Variants in CAV1 observed in about 807,000 individuals in gnomAD.
CAV1 encodes caveolin 1.
CAV1 carries 10 observed loss-of-function variants against 16.5 expected under a neutral mutation model. The ratio of observed to expected loss-of-function variants is 0.61; its 90% CI spans 0.37 to 1.03. The LOEUF (loss-of-function observed/expected upper bound fraction) is 1.03, where lower values mean the gene tolerates loss of function less well. Among genes scored for constraint, CAV1 ranks in the 50% least tolerant of loss-of-function variants. CAV1 has a pLI of 0.01. For synonymous variants in CAV1, 76 were observed against 85.1 expected, an observed-to-expected ratio of 0.89 and a Z score of 0.59; for missense variants, 212 against 232.8, an observed-to-expected ratio of 0.91 and a Z score of 0.58.
At chr7:116,533,275 T>C (rs970675505) in intron 2 of CAV1, among the ~76,000 whole-genome samples, 4 of 151,650 alleles carry the variant, frequency 2.6e-5, no homozygotes, top group Non-Finnish European at 5.9e-5. Flanking sequence ...GAGGCCAAGA[T>C]TGCAGTGAGC....
At chr7:116,547,682 C>T (rs1166790712) in intron 2 of CAV1, among the ~76,000 whole-genome samples, 1 of 152,176 alleles carries the variant, frequency 6.6e-6, no homozygotes, top group African/African-American at 2.4e-5. Context: ...AAAAGGTTCT[C>T]CTTTTCCAAA....
intron 2 of CAV1, among the ~76,000 whole-genome samples, chr7:116,533,387 T>A (rs1322754247): frequency 9.6e-6 from 1 of 103,658 alleles, no homozygotes; most frequent in African/African-American, 3.9e-5. Flanking sequence ...TAAAATAAAA[T>A]AAAATAAAAT....
rs191964382 is a variant in CAV1, at chr7:116,545,078, A to G, written c.196-13868A>G. Among the ~76,000 whole-genome samples, 251 of 152,320 alleles carry G rather than the reference A, an allele frequency of 1.6e-3. 2 individuals are homozygous for G. The highest frequency in any genetic ancestry group is 6.9e-4 in the Non-Finnish European group (47 of 68,026). On this transcript the variant is annotated intron_variant, in intron 2 of 2. Coordinates refer to ENST00000341049, the MANE Select transcript of CAV1 (RefSeq NM_001753.5). Reference sequence around the variant, plus strand: ...CATTCTAGGCTAGAAATATTTCTCAACTTCAAATTGTGTCTTATTACATTG... The same window carrying G: ...CATTCTAGGCTAGAAATATTTCTCAGCTTCAAATTGTGTCTTATTACATTG...
intron 2 of CAV1, among the ~76,000 whole-genome samples, chr7:116,546,703 A>AAAAAAAATAATAAATT (rs1554356443): frequency 8.5e-6 from 1 of 118,040 alleles, no homozygotes; most frequent in Non-Finnish European, 1.9e-5. Context: ...GTCACAAAAA[A>AAAAAAAATAATAAATT]AAAAAAAAAA....
chr7:116,557,360 A>C (rs1038033300), intron 2 of CAV1, among the ~76,000 whole-genome samples: 1 of 152,174 alleles, frequency 6.6e-6, no homozygotes, highest in Admixed American at 6.5e-5. Flanking sequence ...CCGTGGAGTC[A>C]TGGCAGTCCT....
At chr7:116,539,485 T>C (rs1283000652) in intron 2 of CAV1, among the ~76,000 whole-genome samples, 2 of 152,216 alleles carry the variant, frequency 1.3e-5, no homozygotes, top group African/African-American at 4.8e-5. Flanking sequence ...GATTACATTA[T>C]TGAGTGTCTT....
chr7:116,534,377 A>T (rs1562829865), intron 2 of CAV1, among the ~76,000 whole-genome samples: 5 of 14,768 alleles, frequency 3.4e-4, no homozygotes, highest in Non-Finnish European at 7.6e-4. Context: ...ATATATATAT[A>T]TATATATATA....
rs138143776 is a variant in CAV1, at chr7:116,559,237, G to C, written c.487G>C (p.Val163Leu). Residue 163 changes from valine (V) to leucine (L), a missense_variant, in exon 3 of 3, where the codon GTT (valine) becomes CTT (leucine). Coordinates refer to ENST00000341049, the MANE Select transcript of CAV1 (RefSeq NM_001753.5). ...CGTCTGTGACCCACTCTTTGAAGCT[G>C]TTGGGAAAATATTCAGCAATGTCCG... Reference protein sequence around the residue: ...HTVCDPLFEAVGKIFSNVRIN... With the variant: ...HTVCDPLFEALGKIFSNVRIN... 1.6e-4 allele frequency: 251 copies of C among 1,613,810 alleles called. No homozygotes were observed. Among genetic ancestry groups the C allele is most frequent in the Non-Finnish European group, 1.7e-4 (197 of 1,179,900 alleles).
At chr7:116,555,480 A>AAGGAAGGAAGGAAGGAAGG (rs1327638542) in intron 2 of CAV1, among the ~76,000 whole-genome samples, 1 of 7,876 alleles carries the variant, frequency 1.3e-4, no homozygotes, top group Non-Finnish European at 3.1e-4. Flanking sequence ...AGGAAGGAGG[A>AAGGAAGGAAGGAAGGAAGG]AAGAAAAGAA....
rs1409936468 is a variant in CAV1 at position 116,560,321 on chromosome 7, T to C, written c.*1034T>C. ...GCTTTCCTGAATCCAAACTAATCCATCACCGGGGTGGTTTAGTGGCTCAAC... is the reference window on the plus strand; with the variant it reads ...GCTTTCCTGAATCCAAACTAATCCACCACCGGGGTGGTTTAGTGGCTCAAC... On this transcript the variant is annotated 3_prime_UTR_variant, in exon 3 of 3. Coordinates refer to ENST00000341049, the MANE Select transcript of CAV1 (RefSeq NM_001753.5). The C allele has an allele frequency of 6.6e-6, 1 of 152,636 alleles. No homozygotes were observed. Among genetic ancestry groups the C allele is most frequent in the Non-Finnish European group, 1.5e-5 (1 of 68,418 alleles). 9.5% of individuals were successfully genotyped at this position (152,636 alleles called of 1,614,324 possible). A position where few individuals can be genotyped will look rare whatever the true frequency, so the allele number is the denominator to read the frequency against.
In CAV1 at chr7:116,559,614, GAAAAA is replaced by G; in HGVS notation, c.*337_*341del. On this transcript the variant is annotated 3_prime_UTR_variant, in exon 3 of 3. Coordinates refer to ENST00000341049, the MANE Select transcript of CAV1 (RefSeq NM_001753.5). ...GAGAGAAATATGAAGAACTGAGGAG[GAAAAA>G]AAAAAAAAAGAAAAGAACCAACAAC... 2.6e-6 allele frequency: 1 copy of G among 387,684 alleles called. No individual in the cohort carries two copies. Among genetic ancestry groups the G allele is most frequent in the Non-Finnish European group, 4.4e-6 (1 of 226,798 alleles). 24.0% of individuals were successfully genotyped at this position (387,684 alleles called of 1,614,324 possible).
rs1794367949 is a variant in CAV1 at position 116,559,715 on chromosome 7, G to A, written c.*428G>A. ...GAATTCCAGGGTATGGCCATGGAGT[G>A]TACAAGTATGTGGGCAGATTTTCAG... On this transcript the variant is annotated 3_prime_UTR_variant, in exon 3 of 3. Transcript: ENST00000341049. 8.7e-6 allele frequency: 4 copies of A among 458,338 alleles called. No homozygotes were observed. Among genetic ancestry groups the A allele is most frequent in the Non-Finnish European group, 7.6e-6 (2 of 263,832 alleles). 28.4% of individuals were successfully genotyped at this position (458,338 alleles called of 1,614,324 possible).
At chr7:116,555,564 GAAAGAA>G (rs1794268084) in intron 2 of CAV1, among the ~76,000 whole-genome samples, 6 of 51,398 alleles carry the variant, frequency 1.2e-4, no homozygotes, top group Admixed American at 2.6e-4. Context: ...AAGAAAGAAA[GAAAGAA>G]AGAAAGAAAG....
At chr7:116,547,250 T>C (rs1224651716) in intron 2 of CAV1, among the ~76,000 whole-genome samples, 1 of 152,138 alleles carries the variant, frequency 6.6e-6, no homozygotes, top group Non-Finnish European at 1.5e-5. Flanking sequence ...CACAATTCAA[T>C]GCATAACAGG....
intron 2 of CAV1, among the ~76,000 whole-genome samples, chr7:116,540,391 A>G (rs1271715054): frequency 1.3e-5 from 2 of 152,174 alleles, no homozygotes; most frequent in African/African-American, 4.8e-5. Context: ...TTTTACTGTA[A>G]TAATATAAGA....
In CAV1 at chr7:116,547,385, C is replaced by T. The variant is rs1584780200; in HGVS notation, c.196-11561C>T. Among the ~76,000 whole-genome samples, 6 of 152,150 alleles carry T rather than the reference C, an allele frequency of 3.9e-5. No individual in the cohort carries two copies. In the South Asian group the frequency reaches 1.2e-3, roughly 32 times the overall value. On this transcript the variant is annotated intron_variant, in intron 2 of 2. Transcript: ENST00000341049. ...AAGAAGAGCAAAAGATGGAGAAACC[C>T]GATGGTTACCTTCAAACAAAAGGAA...
Position 116,560,552 on chromosome 7 carries a change from T to C in CAV1, c.*1265T>C, listed in dbSNP as rs985770825. Reference sequence around the variant, plus strand: ...AGCATCCCTTTGCCCAGAAAGAAGATGGGGGAGGAGGCAGTAATAAAAAGA... The same window carrying C: ...AGCATCCCTTTGCCCAGAAAGAAGACGGGGGAGGAGGCAGTAATAAAAAGA... On this transcript the variant is annotated 3_prime_UTR_variant, in exon 3 of 3. Transcript: ENST00000341049. 2 of 152,146 alleles carry C rather than the reference T, an allele frequency of 1.3e-5. No individual in the cohort carries two copies. Among genetic ancestry groups the C allele is most frequent in the African/African-American group, 4.8e-5 (2 of 41,414 alleles). The allele number at this position is 152,146 out of a possible 1,614,324, so 9.4% of individuals were successfully genotyped here. A position where few individuals can be genotyped will look rare whatever the true frequency, so the allele number is the denominator to read the frequency against.
intron 2 of CAV1, among the ~76,000 whole-genome samples, chr7:116,547,959 A>T (rs1424969378): frequency 1.3e-5 from 2 of 152,216 alleles, no homozygotes; most frequent in Non-Finnish European, 2.9e-5. Context: ...CCATGCTATT[A>T]ACCAGGACAT....
At chr7:116,552,471 C>T (rs1342174156) in intron 2 of CAV1, among the ~76,000 whole-genome samples, 1 of 152,186 alleles carries the variant, frequency 6.6e-6, no homozygotes, top group Middle Eastern at 3.4e-3. Context: ...CTTTCTGCTA[C>T]AGGTAACTAA....
Sources: allele counts gnomAD v4.1 joint callset (sites outside exome capture counted in the v4.1 genomes callset), GRCh38; gene constraint gnomAD v4.1.1; transcripts MANE v1.5; gene names NCBI Gene and HGNC (gene_info 2026-07-23, HGNC 2026-07-21).